CAMTA1: variants seen among roughly 807,000 people sequenced by gnomAD.
CAMTA1 encodes calmodulin-binding transcription activator 1.
Under a neutral mutation model 170.9 loss-of-function variants are expected in CAMTA1, and 27 were observed. That is an observed-to-expected ratio of 0.16 (90% CI 0.12 to 0.22). The LOEUF (loss-of-function observed/expected upper bound fraction) is 0.22. Among genes scored for constraint, CAMTA1 ranks in the 10% least tolerant of loss-of-function variants. The pLI is 1.00. For synonymous variants in CAMTA1, 833 were observed against 891.5 expected, an observed-to-expected ratio of 0.93 and a Z score of 1.17; for missense variants, 1,619 against 2,217.2, an observed-to-expected ratio of 0.73 and a Z score of 5.42.
chr1:7,558,909 C>A (rs946605715), intron 6 of CAMTA1, among the ~76,000 whole-genome samples: 13 of 152,342 alleles, frequency 8.5e-5, no homozygotes, highest in Non-Finnish European at 1.6e-4. Context: ...GACCCATAAT[C>A]CTGCAAGCAC....
intron 5 of CAMTA1, among the ~76,000 whole-genome samples, chr1:7,419,728 C>T (rs1271774295): frequency 6.6e-6 from 1 of 152,186 alleles, no homozygotes; most frequent in Non-Finnish European, 1.5e-5. Flanking sequence ...CACCCCACCA[C>T]CACCCAGCAG....
chr1:6,832,009 A>C (rs1650428544), intron 3 of CAMTA1, among the ~76,000 whole-genome samples: 1 of 152,140 alleles, frequency 6.6e-6, no homozygotes, highest in South Asian at 2.1e-4. Context: ...GGTAAGAAAA[A>C]TGGCCTTTAA....
At position 7,737,417 on chromosome 1, in the gene CAMTA1, G is replaced by C. The variant is rs770879707; in HGVS notation, c.3505G>C (p.Asp1169His). ...AGAGTGTCTGGAGCACCTGCAGAGA[G>C]ATGAGCAGGCTCAGCTGGGACAGAA... ...LAECLEHLQR[D>H]EQAQLGQNPR... The change falls in exon 15 of 23, where the codon GAT (aspartate) becomes CAT (histidine). Residue 1169 changes from aspartate (D) to histidine (H), a missense_variant. By Grantham distance (81) the Asp-to-His change is moderately conservative. Transcript: ENST00000303635. 2 of 1,614,198 alleles carry C rather than the reference G, an allele frequency of 1.2e-6. No individual in the cohort carries two copies. The highest frequency in any genetic ancestry group is 3.3e-5 in the Admixed American group (2 of 60,034).
chr1:7,538,973 C>G (rs577833652), intron 6 of CAMTA1, among the ~76,000 whole-genome samples: 1 of 91,512 alleles, frequency 1.1e-5, no homozygotes, highest in African/African-American at 5.6e-5. Context: ...CAGAGGGGTC[C>G]CAGCCTGCTT....
At chr1:7,620,607 T>A (rs545359752) in intron 6 of CAMTA1, among the ~76,000 whole-genome samples, 7 of 152,338 alleles carry the variant, frequency 4.6e-5, no homozygotes, top group Non-Finnish European at 1.0e-4. Context: ...ACTGGGAGGC[T>A]GTCAGCATTT....
chr1:6,872,771 T>C (rs1024530213), intron 3 of CAMTA1, among the ~76,000 whole-genome samples: 2 of 152,214 alleles, frequency 1.3e-5, no homozygotes, highest in Non-Finnish European at 2.9e-5. Flanking sequence ...AGAAATCATG[T>C]CCTTAAAAAA....
intron 5 of CAMTA1, among the ~76,000 whole-genome samples, chr1:7,373,103 G>A (rs1355078298): frequency 6.6e-6 from 1 of 152,230 alleles, no homozygotes; most frequent in African/African-American, 2.4e-5. Context: ...TTCTAGTGCA[G>A]AGTCTGTCAA....
intron 5 of CAMTA1, among the ~76,000 whole-genome samples, chr1:7,257,538 G>T (rs1240196457): frequency 6.6e-6 from 1 of 150,988 alleles, no homozygotes; most frequent in African/African-American, 2.4e-5. Flanking sequence ...TGAAGCCGTA[G>T]CTTCCGAGCT....
chr1:7,566,364 C>T (rs1490513606), intron 6 of CAMTA1, among the ~76,000 whole-genome samples: 1 of 152,148 alleles, frequency 6.6e-6, no homozygotes, highest in East Asian at 1.9e-4. Flanking sequence ...TGGAGATAGG[C>T]CTAGTGTAAA....
rs1235020887 is a variant in CAMTA1, at chr1:7,635,434, C to G, written c.511-4966C>G. On this transcript the variant is annotated intron_variant, in intron 6 of 22. Transcript: ENST00000303635. The surrounding 1 kb of genome is among the most constrained non-coding windows in gnomAD (Gnocchi z 4.4). ...TATCCTGGCTAACACGGTGAAACCC[C>G]GTCTCTACTAAAAAATACAAAACAA... 6.6e-6 allele frequency among the ~76,000 whole-genome samples: 1 copy of G among 151,898 alleles called. No homozygotes were observed. Among genetic ancestry groups the G allele is most frequent in the East Asian group, 1.9e-4 (1 of 5,164 alleles).
At chr1:7,177,534 C>T (rs1382460373) in intron 4 of CAMTA1, among the ~76,000 whole-genome samples, 6 of 148,626 alleles carry the variant, frequency 4.0e-5, no homozygotes, top group Non-Finnish European at 7.5e-5. Context: ...AAGTCCCTCC[C>T]ATATTGAGAC....
chr1:7,192,809 G>A (rs1654791868), intron 4 of CAMTA1, among the ~76,000 whole-genome samples: 1 of 152,216 alleles, frequency 6.6e-6, no homozygotes, highest in African/African-American at 2.4e-5. Context: ...GAACCCAGGA[G>A]TGAGGAGTGA....
In CAMTA1 at chr1:7,532,761, G is replaced by A. The variant is rs2094506074; in HGVS notation, c.510+64860G>A. The stretch of plus-strand genomic sequence containing the variant: ...TGATAGAAGAATGAATGAGTGGATG[G>A]ATCAAGGGAGATTTAATCCATGCTG... On this transcript the variant is annotated intron_variant, in intron 6 of 22. Transcript: ENST00000303635. The surrounding 1 kb of genome is among the most constrained non-coding windows in gnomAD (Gnocchi z 4.2). Among the ~76,000 whole-genome samples the A allele has an allele frequency of 6.6e-6, 1 of 152,184 alleles. No individual in the cohort carries two copies. Among genetic ancestry groups the A allele is most frequent in the South Asian group, 2.1e-4 (1 of 4,830 alleles).
chr1:6,949,581 C>T (rs1433008920), intron 3 of CAMTA1, among the ~76,000 whole-genome samples: 1 of 152,202 alleles, frequency 6.6e-6, no homozygotes, highest in African/African-American at 2.4e-5. Context: ...TTCACCCATC[C>T]AATCCCCCTT....
chr1:7,340,395 C>T (rs539096962), intron 5 of CAMTA1, among the ~76,000 whole-genome samples: 5 of 152,202 alleles, frequency 3.3e-5, no homozygotes, highest in East Asian at 1.9e-4. Context: ...TTCATGCAGC[C>T]AGATTCCCCA....
At chr1:7,088,277 G>A (rs989916238) in intron 3 of CAMTA1, among the ~76,000 whole-genome samples, 2 of 152,174 alleles carry the variant, frequency 1.3e-5, no homozygotes, top group African/African-American at 4.8e-5. Flanking sequence ...GGAGGAGGGA[G>A]TGGCGGGTGA....
intron 3 of CAMTA1, among the ~76,000 whole-genome samples, chr1:6,927,297 C>T (rs1166639359): frequency 2.6e-5 from 4 of 152,060 alleles, no homozygotes; most frequent in Non-Finnish European, 5.9e-5. Flanking sequence ...CCTCCCAACG[C>T]GCTGAGACTG....
intron 6 of CAMTA1, among the ~76,000 whole-genome samples, chr1:7,601,155 A>C (rs1213318243): frequency 7.5e-5 from 8 of 107,146 alleles, no homozygotes; most frequent in African/African-American, 2.8e-4. Context: ...CTGGCCGGGC[A>C]GGGGGCTGAC....
intron 4 of CAMTA1, among the ~76,000 whole-genome samples, chr1:7,191,908 T>G (rs553560812): frequency 5.7e-4 from 87 of 152,266 alleles, no homozygotes; most frequent in African/African-American, 2.0e-3. Flanking sequence ...TGGGTTCACT[T>G]TTTGAGAACC....
Sources: gnomAD v4.1 joint callset for allele counts (sites outside exome capture counted in the v4.1 genomes callset) on GRCh38, gnomAD v4.1.1 for gene constraint, Gnocchi (gnomAD v3.1) non-coding constraint, MANE v1.5 for transcripts, NCBI Gene and HGNC (gene_info 2026-07-23, HGNC 2026-07-21) for gene names.